Variants in B4GALT1 observed in about 807,000 individuals in gnomAD.
B4GALT1 encodes N-acetyllactosamine synthase.
A neutral mutation model predicts 34.9 loss-of-function variants in B4GALT1; 16 were observed. The observed-to-expected ratio is 0.46, with a 90% CI of 0.31 to 0.70. B4GALT1 has a LOEUF of 0.70. Ranked by LOEUF, B4GALT1 falls within the 30% of genes least tolerant of loss-of-function variation. B4GALT1 has a pLI of 0.05. For missense variants in B4GALT1, 445 were observed against 530.5 expected (o/e 0.84, Z 1.58); for synonymous variants, 221 against 218.1 (o/e 1.01, Z -0.12).
At chr9:33,158,110 T>A (rs1236132844) in intron 1 of B4GALT1, among the ~76,000 whole-genome samples, 1 of 152,060 alleles carries the variant, frequency 6.6e-6, no homozygotes, top group African/African-American at 2.4e-5. Context: ...ACGTTGCATA[T>A]ACAACCAGGT....
rs1840778822 is a variant in B4GALT1 at position 33,167,263 on chromosome 9, T to C, written c.-94A>G. ...CCAGGCGCTGCCCCACAGCGGCGAC[T>C]AGGGGAGGGCCCGGAGCGGGGGCGG... On this transcript the variant is annotated 5_prime_UTR_variant, in exon 1 of 6. Coordinates refer to ENST00000379731, the MANE Select transcript of B4GALT1 (RefSeq NM_001497.4). 7.2e-7 allele frequency: 1 copy of C among 1,391,510 alleles called. No homozygotes were observed. The highest frequency in any genetic ancestry group is 1.5e-5 in the African/African-American group (1 of 65,396). The allele number at this position is 1,391,510 out of a possible 1,614,324, so 86.2% of individuals were successfully genotyped here.
intron 1 of B4GALT1, among the ~76,000 whole-genome samples, chr9:33,141,705 C>A (rs1270912612): frequency 6.6e-6 from 1 of 152,150 alleles, no homozygotes; most frequent in Non-Finnish European, 1.5e-5. Context: ...CCCCTCAGTT[C>A]TCTTGGGAGG....
chr9:33,181,328 G>T, the B4GALT1 span, among the ~76,000 whole-genome samples: 1 of 151,918 alleles, frequency 6.6e-6, no homozygotes, highest in East Asian at 1.9e-4. Context: ...TGAGGCTGAG[G>T]TGAGAGGATT....
intron 2 of B4GALT1, among the ~76,000 whole-genome samples, chr9:33,128,096 CCTCTCT>C (rs754837121): frequency 4.7e-5 from 7 of 150,174 alleles, no homozygotes; most frequent in East Asian, 1.9e-4. Flanking sequence ...GGTCGGCATT[CCTCTCT>C]CTCTCTCTCT....
the B4GALT1 span, among the ~76,000 whole-genome samples, chr9:33,184,016 TG>T: frequency 1.3e-5 from 2 of 151,860 alleles, no homozygotes; most frequent in East Asian, 3.9e-4. Context: ...TGGGGCCTGC[TG>T]GGGGTTGGGG....
chr9:33,139,952 G>A (rs1840324979), intron 1 of B4GALT1, among the ~76,000 whole-genome samples: 1 of 152,254 alleles, frequency 6.6e-6, no homozygotes, highest in South Asian at 2.1e-4. Flanking sequence ...AGCTGTCCTC[G>A]GCTCCCCCAG....
chr9:33,123,277 CAAAAAAAAAA>C (rs72342632), intron 2 of B4GALT1, among the ~76,000 whole-genome samples: 5 of 85,708 alleles, frequency 5.8e-5, no homozygotes, highest in Non-Finnish European at 1.0e-4. Context: ...GACACTGTCT[CAAAAAAAAAA>C]AAAAAAAAAA....
intron 1 of B4GALT1, among the ~76,000 whole-genome samples, chr9:33,158,129 C>T (rs964815283): frequency 2.6e-5 from 4 of 152,134 alleles, no homozygotes; most frequent in African/African-American, 9.7e-5. Context: ...GTTTTCCCCC[C>T]CACTCGCCAA....
At chr9:33,183,129 C>G in the B4GALT1 span, among the ~76,000 whole-genome samples, 125 of 152,276 alleles carry the variant, frequency 8.2e-4, no homozygotes, top group African/African-American at 3.0e-3. Context: ...GCACACTGCT[C>G]TGAGTAGTGT....
At chr9:33,122,961 T>C (rs987870033) in intron 2 of B4GALT1, among the ~76,000 whole-genome samples, 2 of 152,022 alleles carry the variant, frequency 1.3e-5, no homozygotes, top group African/African-American at 4.8e-5. Flanking sequence ...CTGGCCAACA[T>C]GGTGAAACCC....
At chr9:33,161,369 T>C (rs1840673140) in intron 1 of B4GALT1, among the ~76,000 whole-genome samples, 2 of 152,200 alleles carry the variant, frequency 1.3e-5, no homozygotes, top group South Asian at 4.1e-4. Flanking sequence ...TGGAGGTCTC[T>C]GACTTACAGA....
intron 1 of B4GALT1, among the ~76,000 whole-genome samples, chr9:33,158,302 G>A (rs1315930242): frequency 6.6e-6 from 1 of 152,136 alleles, no homozygotes; most frequent in Non-Finnish European, 1.5e-5. Context: ...CCTCACTCCA[G>A]CAGCCTTCAA....
rs773968519 is a variant in B4GALT1 at position 33,135,202 on chromosome 9, T to A, written c.635A>T (p.Tyr212Phe). The A allele has an allele frequency of 1.9e-6, 3 of 1,613,754 alleles. No individual in the cohort carries two copies. The highest frequency in any genetic ancestry group is 2.7e-5 in the African/African-American group (2 of 74,814). Residue 212 changes from tyrosine (Y) to phenylalanine (F), a missense_variant, in exon 2 of 6, where the codon TAT becomes TTT. This residue lies in a region of B4GALT1 where 349 missense variants were observed against 395.5 expected (regional missense o/e 0.88). Coordinates refer to ENST00000379731, the MANE Select transcript of B4GALT1 (RefSeq NM_001497.4). ...LQRQQLDYGIYVINQAGDTIF... is the reference protein window; with the variant it reads ...LQRQQLDYGIFVINQAGDTIF... Reference sequence around the variant, plus strand: ...CCCAGGCCTCACCTGGTTGATAACATAGATGCCATAGTCCAGCTGCTGGCG... The same window carrying A: ...CCCAGGCCTCACCTGGTTGATAACAAAGATGCCATAGTCCAGCTGCTGGCG...
At chr9:33,129,135 C>A (rs935261291) in intron 2 of B4GALT1, among the ~76,000 whole-genome samples, 1 of 152,088 alleles carries the variant, frequency 6.6e-6, no homozygotes, top group African/African-American at 2.4e-5. Flanking sequence ...ACCTGTGGAG[C>A]CTTCCCTCTG....
chr9:33,118,894 C>T (rs1587729071), intron 3 of B4GALT1, among the ~76,000 whole-genome samples: 2 of 109,586 alleles, frequency 1.8e-5, no homozygotes, highest in Non-Finnish European at 3.6e-5. Flanking sequence ...CAGAGTCTTG[C>T]TCTGTTGCCC....
the B4GALT1 span, among the ~76,000 whole-genome samples, chr9:33,184,287 C>CACACACACACAA: frequency 1.4e-5 from 2 of 142,678 alleles, no homozygotes; most frequent in African/African-American, 2.5e-5. Context: ...CACACACACA[C>CACACACACACAA]AAAAACATAG....
chr9:33,152,163 G>A (rs1427656150), intron 1 of B4GALT1, among the ~76,000 whole-genome samples: 1 of 152,026 alleles, frequency 6.6e-6, no homozygotes, highest in Non-Finnish European at 1.5e-5. Flanking sequence ...AATTAGCTGG[G>A]TGTGGTGGCG....
chr9:33,114,198 G>A (rs1839907420), intron 4 of B4GALT1, among the ~76,000 whole-genome samples: 1 of 152,246 alleles, frequency 6.6e-6, no homozygotes, highest in South Asian at 2.1e-4. Flanking sequence ...GTGAGAAGAG[G>A]AAGATGAGGT....
the B4GALT1 span, chr9:33,177,282 G>A: frequency 5.3e-5 from 8 of 152,096 alleles, no homozygotes; most frequent in Non-Finnish European, 1.2e-4. Context: ...CAACTTCCTC[G>A]CTGTGTTGTC....
Sources: allele counts gnomAD v4.1 joint callset (sites outside exome capture counted in the v4.1 genomes callset), GRCh38; gene constraint gnomAD v4.1.1; regional missense constraint gnomAD v4.1.1; transcripts MANE v1.5; gene names NCBI Gene and HGNC (gene_info 2026-07-23, HGNC 2026-07-21).